The following CWF19L1 variants were observed in gnomAD, a reference collection of about 807,000 sequenced individuals.
The protein encoded by CWF19L1 is CWF19-like protein 1.
In CWF19L1, 60 loss-of-function variants were observed where a neutral mutation model predicts 69.7. The ratio of observed to expected loss-of-function variants is 0.86; its 90% confidence interval spans 0.70 to 1.07. CWF19L1 has a LOEUF of 1.07. Ranked by LOEUF, CWF19L1 falls within the 50% of genes least tolerant of loss-of-function variation. The pLI is 0.00. For missense variants in CWF19L1, 591 were observed against 638.9 expected (o/e 0.92, Z 0.81); for synonymous variants, 209 against 222.2 (o/e 0.94, Z 0.53).
chr10:100,252,822 G>A (rs1222112046), intron 6 of CWF19L1, among the ~76,000 whole-genome samples: 35 of 148,842 alleles, frequency 2.4e-4, no homozygotes, highest in African/African-American at 7.7e-4. Flanking sequence ...GTGACAGAGC[G>A]AGACTCCGTC....
chr10:100,257,214 A>T (rs1261734276), intron 4 of CWF19L1, among the ~76,000 whole-genome samples: 2 of 152,056 alleles, frequency 1.3e-5, no homozygotes, highest in Non-Finnish European at 2.9e-5. Flanking sequence ...ATCCAAAATG[A>T]ACACACATAC....
chr10:100,248,941 GC>G, intron 7 of CWF19L1: 1 of 786,266 alleles, frequency 1.3e-6, no homozygotes, highest in Non-Finnish European at 2.2e-6. Context: ...CAACTCACTG[GC>G]CACCGCAGGG....
intron 1 of CWF19L1, among the ~76,000 whole-genome samples, chr10:100,264,036 C>G (rs1847489385): frequency 6.6e-6 from 1 of 152,180 alleles, no homozygotes; most frequent in African/African-American, 2.4e-5. Flanking sequence ...ATGGTGGTCC[C>G]ATAAGATTAT....
intron 6 of CWF19L1, 142 bp downstream of exon 6, chr10:100,253,274 ATGAAT>A (rs1847101978): frequency 1.8e-6 from 1 of 567,474 alleles, no homozygotes. Context: ...CTCAGAGAAG[ATGAAT>A]GACTTGAGAG....
chr10:100,267,603 T>G lies in CWF19L1; in HGVS notation c.-10A>C, dbSNP rs923986390. On this transcript the variant is annotated 5_prime_UTR_variant, in exon 1 of 14. Transcript: ENST00000354105. ...GCGGTTTCTGTGCCATCTGTCCGAA[T>G]AGTATGGGTTGCGACTGCCACCTAA... 1 of 1,614,032 alleles carries G rather than the reference T, an allele frequency of 6.2e-7. No homozygotes were observed. Among genetic ancestry groups the G allele is most frequent in the Non-Finnish European group, 8.5e-7 (1 of 1,180,034 alleles).
chr10:100,242,573 C>A (rs930944309), intron 10 of CWF19L1, among the ~76,000 whole-genome samples: 2 of 151,440 alleles, frequency 1.3e-5, no homozygotes, highest in Non-Finnish European at 2.9e-5. Context: ...ACTTGGGAAG[C>A]TTAGGCAGGA....
At position 100,243,705 on chromosome 10, in the gene CWF19L1, C is replaced by A. The variant is rs779566388; in HGVS notation, c.1037G>T (p.Gly346Val). Residue 346 changes from glycine to valine, a missense_variant, in exon 10 of 14, where the codon GGC (glycine) becomes GTC (valine). This residue lies in a region of CWF19L1 where 458 missense variants were observed against 489.3 expected (regional missense o/e 0.94). Transcript: ENST00000354105. ...TCCAAGGAAGTAACTCACATGTGTG[C>A]CGATGTTGACCACCAAATGTTTTTC... ...EVEKHLVVNI[G>V]THCYLALAKG... 9.3e-6 allele frequency: 15 copies of A among 1,613,848 alleles called. No individual in the cohort carries two copies. Among genetic ancestry groups the A allele is most frequent in the Admixed American group, 1.7e-5 (1 of 60,010 alleles).
intron 1 of CWF19L1, chr10:100,262,465 C>T (rs1393433319): frequency 1.0e-6 from 1 of 985,202 alleles, no homozygotes; most frequent in Non-Finnish European, 1.2e-6. Context: ...ACGACTCCTC[C>T]TATCTTAGTA....
At chr10:100,248,299 GC>G in intron 7 of CWF19L1, 1 of 1,373,250 alleles carries the variant, frequency 7.3e-7, no homozygotes, top group Non-Finnish European at 1.0e-6. Context: ...GGCAAGTTTG[GC>G]CTGGCCTTAG....
At chr10:100,252,469 G>A (rs112309936) in intron 6 of CWF19L1, among the ~76,000 whole-genome samples, 110 of 151,458 alleles carry the variant, frequency 7.3e-4, no homozygotes, top group African/African-American at 2.4e-3. Context: ...TACCTACTAT[G>A]CTACTATGTA....
At chr10:100,259,123 C>G (rs1191662874) in intron 4 of CWF19L1, among the ~76,000 whole-genome samples, 1 of 150,724 alleles carries the variant, frequency 6.6e-6, no homozygotes, top group African/African-American at 2.4e-5. Context: ...ATCACTTGAA[C>G]CAGGGAGTCG....
chr10:100,262,321 G>A (rs1847431842), intron 1 of CWF19L1: 1 of 985,342 alleles, frequency 1.0e-6, no homozygotes, highest in Non-Finnish European at 1.2e-6. Context: ...TAAGTTTTGT[G>A]GACATGTCTA....
At position 100,259,270 on chromosome 10, in the gene CWF19L1, A is replaced by G. The variant is rs1307076076; in HGVS notation, c.289+948T>C. Reference sequence around the variant, plus strand: ...ACTGCCAGCAGGTGGGGGGAAAACAAAAGCAAAATTTGACAGTGCTTTTGA... The same window carrying G: ...ACTGCCAGCAGGTGGGGGGAAAACAGAAGCAAAATTTGACAGTGCTTTTGA... On this transcript the variant is annotated intron_variant, in intron 4 of 13. Coordinates refer to ENST00000354105, the MANE Select transcript of CWF19L1 (RefSeq NM_018294.6). Among the ~76,000 whole-genome samples the G allele has an allele frequency of 3.9e-5, 6 of 152,268 alleles. No individual in the cohort carries two copies. In the East Asian group the frequency reaches 1.2e-3, roughly 29 times the overall value.
At chr10:100,241,000 CTT>C (rs56262807) in intron 10 of CWF19L1, among the ~76,000 whole-genome samples, 196 of 70,582 alleles carry the variant, frequency 2.8e-3, no homozygotes, top group African/African-American at 0.012. Flanking sequence ...CTAATTAAGC[CTT>C]TTTTTTTTTT....
At chr10:100,241,000 CTTTTTTTTTTTT>C (rs56262807) in intron 10 of CWF19L1, among the ~76,000 whole-genome samples, 755 of 70,634 alleles carry the variant, frequency 0.011, 11 homozygotes, top group African/African-American at 0.045. Context: ...CTAATTAAGC[CTTTTTTTTTTTT>C]TTTTTTTTTT....
At chr10:100,233,697 C>A (rs138042469) in intron 13 of CWF19L1, among the ~76,000 whole-genome samples, 5 of 152,170 alleles carry the variant, frequency 3.3e-5, no homozygotes, top group Non-Finnish European at 7.3e-5. Context: ...TCCAGCTTTG[C>A]CACTTGCTAT....
chr10:100,241,905 A>G (rs1846651023), intron 10 of CWF19L1, among the ~76,000 whole-genome samples: 2 of 152,194 alleles, frequency 1.3e-5, no homozygotes, highest in Admixed American at 6.5e-5. Context: ...TGACTTATAA[A>G]TATTTTCCTC....
intron 4 of CWF19L1, chr10:100,258,616 G>GA: frequency 6.6e-6 from 1 of 152,322 alleles, no homozygotes; most frequent in South Asian, 2.1e-4. Context: ...AAGATAAAGA[G>GA]AATATTAGCA....
At chr10:100,242,165 T>C (rs1011526019) in intron 10 of CWF19L1, among the ~76,000 whole-genome samples, 5 of 152,160 alleles carry the variant, frequency 3.3e-5, no homozygotes, top group Non-Finnish European at 5.9e-5. Flanking sequence ...AATAAAATCA[T>C]ACTCAAGACC....
Sources: gnomAD v4.1 joint callset for allele counts (sites outside exome capture counted in the v4.1 genomes callset) on GRCh38, gnomAD v4.1.1 for gene constraint, gnomAD v4.1.1 regional missense constraint, MANE v1.5 for transcripts, NCBI Gene and HGNC (gene_info 2026-07-23, HGNC 2026-07-21) for gene names.